Variants in DYSF observed in about 807,000 individuals in gnomAD.
The protein encoded by DYSF is dysferlin, also known as dystrophy-associated fer-1-like 1.
Under a neutral mutation model 274.9 loss-of-function variants are expected in DYSF, and 212 were observed. The ratio of observed to expected loss-of-function variants is 0.77; its 90% CI spans 0.69 to 0.86. DYSF has a LOEUF of 0.86. Ranked by LOEUF, DYSF falls within the 40% of genes least tolerant of loss-of-function variation. The pLI, the probability that DYSF is intolerant of heterozygous loss-of-function variation, is 0.00. For synonymous variants in DYSF, 1,091 were observed against 1,078.7 expected (o/e 1.01, Z -0.22); for missense variants, 2,666 against 2,783.2 (o/e 0.96, Z 0.95).
At chr2:71,474,719 G>T (rs2082273508) in intron 1 of DYSF, among the ~76,000 whole-genome samples, 1 of 152,148 alleles carries the variant, frequency 6.6e-6, no homozygotes, top group African/African-American at 2.4e-5. Context: ...AGGACTTAGT[G>T]AAATCTCATT....
At position 71,681,105 on chromosome 2, in the gene DYSF, C is replaced by A. The variant is rs745783874; in HGVS notation, c.6168C>A (p.Asp2056Glu). Reference protein sequence around the residue: ...DEPNMNPKLEDPRRPDTSFLW... With the variant: ...DEPNMNPKLEEPRRPDTSFLW... ...CCAACATGAACCCTAAGCTTGAGGA[C>A]CCAAGGTCAGTGCCCAGCCCCTGAG... The change falls in exon 54 of 56, where the codon GAC becomes GAA. Residue 2056 changes from aspartate (D) to glutamate (E), a missense_variant. Asp to Glu is a conservative substitution (Grantham distance 45). Coordinates refer to ENST00000410020, the MANE Select transcript of DYSF (RefSeq NM_001130987.2). The A allele has an allele frequency of 5.0e-6, 8 of 1,613,766 alleles. No homozygotes were observed. Among genetic ancestry groups the A allele is most frequent in the Non-Finnish European group, 6.8e-6 (8 of 1,179,998 alleles).
rs746873346 is a variant in DYSF, at chr2:71,535,325, C to A, written c.1493+14C>A. 1.9e-6 allele frequency: 3 copies of A among 1,613,784 alleles called. No homozygotes were observed. The highest frequency in any genetic ancestry group is 2.5e-6 in the Non-Finnish European group (3 of 1,179,816). The stretch of plus-strand genomic sequence containing the variant: ...TATCATAGACTGGTGAGTTCTGAGT[C>A]TTGGAGTCTTTAGGGCGGGCTGTCC... On this transcript the variant is annotated intron_variant, in intron 16 of 55. Coordinates refer to ENST00000410020, the MANE Select transcript of DYSF (RefSeq NM_001130987.2).
intron 5 of DYSF, among the ~76,000 whole-genome samples, chr2:71,512,228 A>G (rs1254764749): frequency 6.6e-6 from 1 of 152,204 alleles, no homozygotes; most frequent in African/African-American, 2.4e-5. Flanking sequence ...TGAGCTGTGC[A>G]GTTCCAAGAA....
intron 19 of DYSF, 63 bp downstream of exon 19, chr2:71,551,783 G>T: frequency 7.2e-7 from 1 of 1,396,514 alleles, no homozygotes; most frequent in South Asian, 1.2e-5. Context: ...GCCAGGCTGG[G>T]ACTGGCCTTG....
At position 71,568,022 on chromosome 2, in the gene DYSF, A is replaced by T. The variant is rs2288355; in HGVS notation, c.2637A>T (p.Ser879=). The T allele has an allele frequency of 0.65, 1,056,348 of 1,613,856 alleles. 355,023 individuals are homozygous for T. Among genetic ancestry groups the T allele is most frequent in the African/African-American group, 0.82 (61,152 of 74,952 alleles). ...GGGTCAAGCTGTGGTTTGGGCTCTC[A>T]GTGGATGAGAAGGAGTTCAACCAGT... ...QIRVKLWFGL[S]VDEKEFNQFA... is the part of the protein sequence containing the mutation. The change falls in exon 25 of 56, where the codon TCA becomes TCT. Residue 879 remains serine, a synonymous_variant. Transcript: ENST00000410020.
chr2:71,612,930 T>C (rs1267291157), intron 39 of DYSF, 124 bp downstream of exon 39: 4 of 1,279,632 alleles, frequency 3.1e-6, no homozygotes, highest in Non-Finnish European at 4.3e-6. Flanking sequence ...AAGTGGTTTC[T>C]GCTCTGCTAG....
chr2:71,570,169 C>A, intron 27 of DYSF, 60 bp from the exon 28 acceptor site: 1 of 1,481,232 alleles, frequency 6.8e-7, no homozygotes, highest in Non-Finnish European at 9.4e-7. Context: ...ATCTTTTCTG[C>A]CTCCCTGCTC....
Position 71,543,960 on chromosome 2 carries a change from GGGAGAC to G in DYSF, c.1576+4727_1576+4732del, listed in dbSNP as rs565659211. ...AGGGAGAGGGAGACGGAGAGGGAGA[GGGAGAC>G]GGAGAGGGAGAGGGAGAGGGCTCAA... On this transcript the variant is annotated intron_variant, in intron 17 of 55. Transcript: ENST00000410020. 9.1e-3 allele frequency among the ~76,000 whole-genome samples: 1,384 copies of G among 151,542 alleles called. 25 individuals are homozygous for G. The highest frequency in any genetic ancestry group is 0.032 in the African/African-American group (1,316 of 41,242).
At chr2:71,516,640 C>T (rs1050377519) in intron 9 of DYSF, among the ~76,000 whole-genome samples, 3 of 152,158 alleles carry the variant, frequency 2.0e-5, no homozygotes, top group Non-Finnish European at 4.4e-5. Flanking sequence ...CTGAGATTCT[C>T]TTTCTCTCTG....
Position 71,511,878 on chromosome 2 carries a change from T to C in DYSF, c.417T>C (p.Pro139=). ...GAVPLFPPPT[P]LEPSPTLPDL... ...TGCCCCTGTTCCCGCCCCCTACTCC[T>C]CTGGAGCCCTCCCCGACTCTGCCTG... Residue 139 remains proline (P), a synonymous_variant, in exon 5 of 56, where the codon CCT becomes CCC. Transcript: ENST00000410020. The C allele has an allele frequency of 6.4e-7, 1 of 1,551,242 alleles. No homozygotes were observed. Among genetic ancestry groups the C allele is most frequent in the Non-Finnish European group, 8.7e-7 (1 of 1,146,726 alleles).
In DYSF at chr2:71,551,169, G is replaced by C. The variant is rs368874059; in HGVS notation, c.1692+13G>C. ...CAACACAGGCAAGGTAAGCCGGCTG[G>C]AGCCCTGGCAAGGGCAGGATGCCAG... On this transcript the variant is annotated intron_variant, in intron 18 of 55. Transcript: ENST00000410020. 1.2e-5 allele frequency: 20 copies of C among 1,613,616 alleles called. No homozygotes were observed. The African/African-American group carries it at 2.7e-4, about 22-fold the overall frequency.
At chr2:71,473,247 TA>T (rs2082163462) in intron 1 of DYSF, among the ~76,000 whole-genome samples, 1 of 152,232 alleles carries the variant, frequency 6.6e-6, no homozygotes, top group Non-Finnish European at 1.5e-5. Flanking sequence ...CAAGAGGTAA[TA>T]CAGGCCTTCC....
At chr2:71,518,704 T>C (rs1200019284) in intron 10 of DYSF, among the ~76,000 whole-genome samples, 1 of 152,188 alleles carries the variant, frequency 6.6e-6, no homozygotes, top group Non-Finnish European at 1.5e-5. Context: ...ATGCCTTCCT[T>C]CTTTAAATTT....
intron 51 of DYSF, among the ~76,000 whole-genome samples, chr2:71,672,625 G>A (rs907543538): frequency 6.6e-6 from 1 of 152,154 alleles, no homozygotes; most frequent in East Asian, 1.9e-4. Context: ...CTGGGACCTG[G>A]GGGGGTTCAT....
chr2:71,660,915 G>C (rs920021188), intron 45 of DYSF, among the ~76,000 whole-genome samples: 1 of 151,986 alleles, frequency 6.6e-6, no homozygotes, highest in East Asian at 1.9e-4. Flanking sequence ...TCAGGAGTTT[G>C]AGACCAGTCT....
At chr2:71,496,454 G>C (rs2084403357) in intron 3 of DYSF, among the ~76,000 whole-genome samples, 1 of 152,182 alleles carries the variant, frequency 6.6e-6, no homozygotes, top group Non-Finnish European at 1.5e-5. Flanking sequence ...GGAAGGAATG[G>C]GCGAGGCAGG....
chr2:71,568,407 T>C, intron 26 of DYSF, 69 bp downstream of exon 26: 1 of 1,583,818 alleles, frequency 6.3e-7, no homozygotes, highest in Non-Finnish European at 8.6e-7. Flanking sequence ...CACCCTCCTT[T>C]TGGAGGCAGG....
chr2:71,664,149 G>C lies in DYSF; in HGVS notation c.5004-119G>C, dbSNP rs554504671. On this transcript the variant is annotated intron_variant, in intron 45 of 55. Coordinates refer to ENST00000410020, the MANE Select transcript of DYSF (RefSeq NM_001130987.2). ...GTGCTGTGGGTGGTTGGGCCTGTAAGATCTGTAGGGGGCCCAAGGAAAGAA... is the reference window on the plus strand; with the variant it reads ...GTGCTGTGGGTGGTTGGGCCTGTAACATCTGTAGGGGGCCCAAGGAAAGAA... 43 of 1,310,376 alleles carry C rather than the reference G, an allele frequency of 3.3e-5. No individual in the cohort carries two copies. In the East Asian group the frequency reaches 1.0e-3, roughly 31 times the overall value. The allele number at this position is 1,310,376 out of a possible 1,614,324, so 81.2% of individuals were successfully genotyped here.
At chr2:71,658,747 C>A (rs2094823563) in intron 43 of DYSF, 131 bp from the exon 44 acceptor site, 6 of 1,067,946 alleles carry the variant, frequency 5.6e-6, no homozygotes, top group Non-Finnish European at 7.0e-6. Context: ...TCAATTATCT[C>A]CTCCTGGGTC....
Sources: allele counts gnomAD v4.1 joint callset (sites outside exome capture counted in the v4.1 genomes callset), GRCh38; gene constraint gnomAD v4.1.1; transcripts MANE v1.5; gene names NCBI Gene and HGNC (gene_info 2026-07-23, HGNC 2026-07-21).